Variants in KAZN observed in about 807,000 individuals in gnomAD.
KAZN encodes the protein kazrin.
In KAZN, 40 loss-of-function variants were observed where a neutral mutation model predicts 87.4. The ratio of observed to expected loss-of-function variants is 0.46; its 90% CI spans 0.36 to 0.60. KAZN has a LOEUF of 0.60. Ranked by LOEUF, KAZN falls within the 20% of genes least tolerant of loss-of-function variation. The pLI is 0.00. For missense variants in KAZN, 898 were observed against 1,073.9 expected (o/e 0.84, Z 2.29); for synonymous variants, 466 against 458.3 (o/e 1.02, Z -0.22).
At chr1:14,291,419 C>T (rs566466255) in intron 2 of KAZN, among the ~76,000 whole-genome samples, 5 of 152,164 alleles carry the variant, frequency 3.3e-5, no homozygotes, top group Admixed American at 6.5e-5. Flanking sequence ...GCCAGGTTGC[C>T]GCCTTGCAAT....
chr1:15,102,381 C>A (rs1338271160), intron 11 of KAZN, among the ~76,000 whole-genome samples: 2 of 151,970 alleles, frequency 1.3e-5, no homozygotes, highest in African/African-American at 4.8e-5. Flanking sequence ...AAAAAGTAAC[C>A]CAGCAGAGGC....
intron 1 of KAZN, among the ~76,000 whole-genome samples, chr1:14,740,539 C>T (rs1320834619): frequency 6.6e-6 from 1 of 152,094 alleles, no homozygotes; most frequent in Non-Finnish European, 1.5e-5. Flanking sequence ...CTATCCTCTG[C>T]CTCCGCCCCC....
chr1:14,001,232 A>G (rs1482705544), intron 1 of KAZN, among the ~76,000 whole-genome samples: 3 of 152,332 alleles, frequency 2.0e-5, no homozygotes, highest in Non-Finnish European at 2.9e-5. Flanking sequence ...AAGTCAACTC[A>G]TGAATGAACT....
In KAZN at chr1:14,299,703, G is replaced by A. The variant is rs796182938; in HGVS notation, c.249+119111G>A. ...GTACCTCCCATCCTCCTTAGCTGGC[G>A]GCACCTAGGTAATGTTCTTCTCAAG... On this transcript the variant is annotated intron_variant, in intron 2 of 16. Transcript: ENST00000636203. Among the ~76,000 whole-genome samples the A allele has an allele frequency of 7.9e-5, 12 of 152,180 alleles. 1 individual carries two copies. The highest frequency in any genetic ancestry group is 1.9e-4 in the East Asian group (1 of 5,182).
intron 1 of KAZN, among the ~76,000 whole-genome samples, chr1:14,141,098 C>T (rs4662120): frequency 0.65 from 98,269 of 151,188 alleles, 32,758 homozygotes; most frequent in African/African-American, 0.77. Flanking sequence ...TTCTGGCTGC[C>T]TAATTCTCCT....
At chr1:14,376,253 G>A (rs1383548938) in intron 2 of KAZN, among the ~76,000 whole-genome samples, 1 of 152,168 alleles carries the variant, frequency 6.6e-6, no homozygotes, top group Non-Finnish European at 1.5e-5. Flanking sequence ...ACTTTCATCA[G>A]TGATATGGCT....
At chr1:14,784,624 T>C (rs1356308532) in intron 1 of KAZN, among the ~76,000 whole-genome samples, 1 of 152,142 alleles carries the variant, frequency 6.6e-6, no homozygotes, top group Non-Finnish European at 1.5e-5. Flanking sequence ...CCAAGCGTGG[T>C]GGCACATGCC....
intron 2 of KAZN, among the ~76,000 whole-genome samples, chr1:14,439,797 C>G (rs1666596647): frequency 6.6e-6 from 1 of 152,182 alleles, no homozygotes; most frequent in Admixed American, 6.5e-5. Context: ...TCCCCTACCT[C>G]TTATAGTTAC....
At chr1:14,796,499 T>C (rs574631301) in intron 1 of KAZN, among the ~76,000 whole-genome samples, 1 of 152,274 alleles carries the variant, frequency 6.6e-6, no homozygotes, top group Non-Finnish European at 1.5e-5. Context: ...GCCTGGCACA[T>C]GGTAGGTGTG....
intron 1 of KAZN, among the ~76,000 whole-genome samples, chr1:14,687,905 A>G (rs917588652): frequency 1.2e-4 from 18 of 152,328 alleles, no homozygotes; most frequent in African/African-American, 4.1e-4. Context: ...AAGTCCGTGC[A>G]CTGGACCCAC....
At chr1:14,201,738 G>A (rs1162119404) in intron 2 of KAZN, among the ~76,000 whole-genome samples, 3 of 152,152 alleles carry the variant, frequency 2.0e-5, no homozygotes, top group Non-Finnish European at 2.9e-5. Context: ...GCAGGATCTC[G>A]GCTCACTGCA....
chr1:14,532,596 T>A (rs1672268676), intron 2 of KAZN, among the ~76,000 whole-genome samples: 2 of 148,332 alleles, frequency 1.3e-5, no homozygotes, highest in African/African-American at 5.0e-5. Flanking sequence ...ATTAGGTATA[T>A]CTCCTAATGC....
At chr1:14,864,619 A>T (rs1651243674) in intron 1 of KAZN, among the ~76,000 whole-genome samples, 1 of 152,166 alleles carries the variant, frequency 6.6e-6, no homozygotes, top group African/African-American at 2.4e-5. Flanking sequence ...GGTGGGACGG[A>T]CACAGCCCTA....
intron 1 of KAZN, among the ~76,000 whole-genome samples, chr1:14,920,276 GT>G (rs55641056): frequency 0.03 from 2,839 of 94,094 alleles, 56 homozygotes; most frequent in African/African-American, 0.094. Context: ...CCTCTTTTCT[GT>G]TTTTTTTTTT....
chr1:14,928,567 C>T (rs1002034520), intron 1 of KAZN, among the ~76,000 whole-genome samples: 1 of 152,054 alleles, frequency 6.6e-6, no homozygotes, highest in African/African-American at 2.4e-5. Context: ...TTTTAAGCAA[C>T]GCAAGCATTT....
chr1:14,701,173 A>G (rs781413456), intron 1 of KAZN, among the ~76,000 whole-genome samples: 3 of 152,160 alleles, frequency 2.0e-5, no homozygotes, highest in Non-Finnish European at 4.4e-5. Flanking sequence ...CTGCAGTGCA[A>G]TGGCATGCTC....
At chr1:15,062,110 G>A (rs977547768) in intron 6 of KAZN, 1 of 152,222 alleles carries the variant, frequency 6.6e-6, no homozygotes, top group Non-Finnish European at 1.5e-5. Flanking sequence ...CAGCAGAAAT[G>A]CTGCTGGAAA....
At chr1:13,895,783 C>T (rs1373365543) in intron 1 of KAZN, among the ~76,000 whole-genome samples, 4 of 152,058 alleles carry the variant, frequency 2.6e-5, no homozygotes, top group Non-Finnish European at 5.9e-5. Flanking sequence ...TCACCGAGTA[C>T]CTACTATGTA....
chr1:14,455,202 TTTAG>T (rs1388677613), intron 2 of KAZN, among the ~76,000 whole-genome samples: 1 of 152,240 alleles, frequency 6.6e-6, no homozygotes, highest in Non-Finnish European at 1.5e-5. Flanking sequence ...TTCCACACCA[TTTAG>T]TATTTATTAA....
Sources: allele counts gnomAD v4.1 joint callset (sites outside exome capture counted in the v4.1 genomes callset), GRCh38; gene constraint gnomAD v4.1.1; transcripts MANE v1.5; gene names NCBI Gene and HGNC (gene_info 2026-07-23, HGNC 2026-07-21).